The following PCDHGA12 variants were observed in gnomAD, a reference collection of about 807,000 sequenced individuals.
PCDHGA12 encodes protocadherin gamma subfamily A, 12.
Under a neutral mutation model 61.1 loss-of-function variants are expected in PCDHGA12, and 43 were observed. The ratio of observed to expected loss-of-function variants is 0.70; its 90% CI spans 0.55 to 0.91. The LOEUF (loss-of-function observed/expected upper bound fraction) is 0.91, where lower values mean the gene tolerates loss of function less well. PCDHGA12 is among the 40% of genes least tolerant of loss of function. The probability of loss-of-function intolerance (pLI) is 0.00; values close to 1 mark genes in which losing one functional copy is unlikely to be tolerated. For synonymous variants in PCDHGA12, 520 were observed against 542.9 expected, an observed-to-expected ratio of 0.96 and a Z score of 0.59; for missense variants, 1,236 against 1,227.7, an observed-to-expected ratio of 1.01 and a Z score of -0.10.
In PCDHGA12 at chr5:141,482,843, G is replaced by T. The variant is rs1005014887; in HGVS notation, c.2425-11964G>T. On this transcript the variant is annotated intron_variant, in intron 1 of 3. Transcript: ENST00000252085. ...TCCTAGCACTTTGGGAGGCCAAGGT[G>T]GGCAGATCACTTGAGGTCAGGAGTT... Among the ~76,000 whole-genome samples the T allele has an allele frequency of 4.3e-5, 6 of 140,152 alleles. No homozygotes were observed. The South Asian group carries it at 8.6e-4, about 20-fold the overall frequency. 91.9% of individuals were successfully genotyped at this position (140,152 alleles called of 152,430 possible).
Position 141,490,845 on chromosome 5 carries a change from G to T in PCDHGA12, c.2425-3962G>T, listed in dbSNP as rs748605746. The T allele has an allele frequency of 1.4e-5, 22 of 1,613,726 alleles. No individual in the cohort carries two copies. The highest frequency in any genetic ancestry group is 1.7e-5 in the Non-Finnish European group (20 of 1,179,894). On this transcript the variant is annotated intron_variant, in intron 1 of 3. Coordinates refer to ENST00000252085, the MANE Select transcript of PCDHGA12 (RefSeq NM_003735.3). This position sits in a 1 kb window ranked among gnomAD's most constrained non-coding sequence, Gnocchi z 5.4. ...TGCAGATGCTGCAGATTGTGGTGGG[G>T]GTTCGAGACTCCGGCTCTCCCCCAT...
At chr5:141,501,290 TACAC>T (rs55762287) in intron 2 of PCDHGA12, among the ~76,000 whole-genome samples, 45,565 of 135,778 alleles carry the variant, frequency 0.34, 7,845 homozygotes, top group Non-Finnish European at 0.42. Flanking sequence ...TATTCCCTTA[TACAC>T]ACACACACAC....
chr5:141,477,427 C>T lies in PCDHGA12; in HGVS notation c.2425-17380C>T. On this transcript the variant is annotated intron_variant, in intron 1 of 3. Coordinates refer to ENST00000252085, the MANE Select transcript of PCDHGA12 (RefSeq NM_003735.3). The surrounding 1 kb of genome is among the most constrained non-coding windows in gnomAD (Gnocchi z 4.9). ...CCCGAGACGCCGGAACCCCTTCCCT[C>T]TCAGCCCTTACAATAGTGCGTGTTC... The T allele has an allele frequency of 6.2e-7, 1 of 1,614,220 alleles. No homozygotes were observed. The highest frequency in any genetic ancestry group is 8.5e-7 in the Non-Finnish European group (1 of 1,180,046).
At chr5:141,502,815 TTTCC>T in intron 2 of PCDHGA12, among the ~76,000 whole-genome samples, 1 of 151,372 alleles carries the variant, frequency 6.6e-6, no homozygotes, top group East Asian at 1.9e-4. Context: ...TTCACTGTCT[TTTCC>T]TTGGGGAAGC....
chr5:141,444,001 C>G (rs2098413288), intron 1 of PCDHGA12, among the ~76,000 whole-genome samples: 1 of 151,914 alleles, frequency 6.6e-6, no homozygotes, highest in Non-Finnish European at 1.5e-5. Flanking sequence ...TTAAATGCTA[C>G]CTGGGTATTG....
intron 1 of PCDHGA12, among the ~76,000 whole-genome samples, chr5:141,446,448 T>C (rs954515926): frequency 2.6e-5 from 4 of 152,028 alleles, no homozygotes; most frequent in Non-Finnish European, 5.9e-5. Context: ...ACAGTGCAGA[T>C]ATTCAGTGTG....
chr5:141,477,229 C>T lies in PCDHGA12; in HGVS notation c.2425-17578C>T. ...AGGATGCCCCTCTGGGGACTGTCAT[C>T]GCTTTGCTCAGTGTGACTGACCTGG... On this transcript the variant is annotated intron_variant, in intron 1 of 3. Transcript: ENST00000252085. The surrounding 1 kb of genome is among the most constrained non-coding windows in gnomAD (Gnocchi z 4.9). 6.2e-7 allele frequency: 1 copy of T among 1,614,222 alleles called. No homozygotes were observed. Among genetic ancestry groups the T allele is most frequent in the Non-Finnish European group, 8.5e-7 (1 of 1,180,052 alleles).
At position 141,511,349 on chromosome 5, in the gene PCDHGA12, C is replaced by CG; in HGVS notation, c.*176_*177insG. On this transcript the variant is annotated 3_prime_UTR_variant, in exon 4 of 4. Coordinates refer to ENST00000252085, the MANE Select transcript of PCDHGA12 (RefSeq NM_003735.3). The stretch of plus-strand genomic sequence containing the variant: ...GCCCAGTCAGCACCTACCCCTTCCC[C>CG]CCCAGGGGGTTGAATATGCAAAAGC... 7.1e-7 allele frequency: 1 copy of CG among 1,401,498 alleles called. No homozygotes were observed. Among genetic ancestry groups the CG allele is most frequent in the African/African-American group, 1.5e-5 (1 of 68,948 alleles). 86.8% of individuals were successfully genotyped at this position (1,401,498 alleles called of 1,614,324 possible).
chr5:141,503,377 A>G lies in PCDHGA12; in HGVS notation c.2484-2016A>G, dbSNP rs534841057. Among the ~76,000 whole-genome samples, 4 of 152,142 alleles carry G rather than the reference A, an allele frequency of 2.6e-5. No homozygotes were observed. In the East Asian group the frequency reaches 7.8e-4, roughly 30 times the overall value. The stretch of plus-strand genomic sequence containing the variant: ...TTTGGGAAGCGGAGGCAGGTGGATC[A>G]TGAGGTCAGGAGTTCGAAACCAACC... On this transcript the variant is annotated intron_variant, in intron 2 of 3. Coordinates refer to ENST00000252085, the MANE Select transcript of PCDHGA12 (RefSeq NM_003735.3).
chr5:141,460,909 G>GGTGT (rs548378036), intron 1 of PCDHGA12, among the ~76,000 whole-genome samples: 1 of 123,246 alleles, frequency 8.1e-6, no homozygotes, highest in African/African-American at 3.7e-5. Flanking sequence ...AATATTCCAT[G>GGTGT]GTGTATATAT....
intron 1 of PCDHGA12, chr5:141,440,405 CCACTG>C (rs2098176019): frequency 6.6e-6 from 1 of 152,126 alleles, no homozygotes; most frequent in South Asian, 2.1e-4. Flanking sequence ...GGCAATCGCA[CCACTG>C]CACTCCAGCC....
At chr5:141,437,497 T>A (rs2097889891) in intron 1 of PCDHGA12, among the ~76,000 whole-genome samples, 1 of 152,190 alleles carries the variant, frequency 6.6e-6, no homozygotes, top group Non-Finnish European at 1.5e-5. Flanking sequence ...TAGATCACTT[T>A]TCAATGAATT....
chr5:141,476,306 C>T lies in PCDHGA12; in HGVS notation c.2425-18501C>T, dbSNP rs1011265476. The T allele has an allele frequency of 1.2e-6, 2 of 1,613,464 alleles. No homozygotes were observed. Among genetic ancestry groups the T allele is most frequent in the African/African-American group, 2.7e-5 (2 of 74,688 alleles). On this transcript the variant is annotated intron_variant, in intron 1 of 3. Transcript: ENST00000252085. The surrounding 1 kb of genome is among the most constrained non-coding windows in gnomAD (Gnocchi z 7.6). ...TTTGGATCTCGGTAGCCTCTCAGCCCGCAGGTTCCGGGTGGTGTCTGGAGC... is the reference window on the plus strand; with the variant it reads ...TTTGGATCTCGGTAGCCTCTCAGCCTGCAGGTTCCGGGTGGTGTCTGGAGC...
chr5:141,431,904 T>A lies in PCDHGA12; in HGVS notation c.1145T>A (p.Val382Glu). The change falls in exon 1 of 4, where the codon GTG becomes GAG. Residue 382 changes from valine (V) to glutamate (E), a missense_variant. Transcript: ENST00000252085. The surrounding 1 kb of genome is among the most constrained non-coding windows in gnomAD (Gnocchi z 4.8). ...NDQDSEENGQ[V>E]ICFIQGNLPF... ...CAAGATTCTGAGGAAAACGGACAGG[T>A]GATCTGTTTCATCCAAGGAAATCTG... is the stretch of plus-strand genomic sequence containing the variant. 1 of 1,613,846 alleles carries A rather than the reference T, an allele frequency of 6.2e-7. No individual in the cohort carries two copies. Among genetic ancestry groups the A allele is most frequent in the Non-Finnish European group, 8.5e-7 (1 of 1,179,708 alleles).
At chr5:141,456,341 C>G (rs950158154) in intron 1 of PCDHGA12, among the ~76,000 whole-genome samples, 4 of 152,034 alleles carry the variant, frequency 2.6e-5, no homozygotes, top group Admixed American at 1.3e-4. Context: ...TAAGGGTCCT[C>G]GGAAGAATGG....
chr5:141,474,180 A>G (rs763042503), intron 1 of PCDHGA12, among the ~76,000 whole-genome samples: 4 of 152,240 alleles, frequency 2.6e-5, no homozygotes, highest in Non-Finnish European at 4.4e-5. Context: ...TGAGAAAACT[A>G]CTTACATTTT....
In PCDHGA12 at chr5:141,489,291, C is replaced by A; in HGVS notation, c.2425-5516C>A. ...TCGCTGGGAAATGGCAAGTGCTGTG[C>A]ATGTTGTCCTTGTGCTGCTGGGGCT... is the stretch of plus-strand genomic sequence containing the variant. On this transcript the variant is annotated intron_variant, in intron 1 of 3. Transcript: ENST00000252085. This position sits in a 1 kb window ranked among gnomAD's most constrained non-coding sequence, Gnocchi z 4.5. 6.3e-7 allele frequency: 1 copy of A among 1,577,628 alleles called. No homozygotes were observed. The highest frequency in any genetic ancestry group is 8.6e-7 in the Non-Finnish European group (1 of 1,161,994).
chr5:141,458,624 C>G (rs1382508302), intron 1 of PCDHGA12, among the ~76,000 whole-genome samples: 1 of 152,082 alleles, frequency 6.6e-6, no homozygotes, highest in East Asian at 1.9e-4. Context: ...GGCTGGAGTG[C>G]AGTGGCACAA....
chr5:141,461,040 G>A (rs536064886), intron 1 of PCDHGA12, among the ~76,000 whole-genome samples: 123 of 150,514 alleles, frequency 8.2e-4, no homozygotes, highest in East Asian at 2.5e-3. Flanking sequence ...CTCATTAGTC[G>A]ATGGGGACTT....
Sources: allele counts gnomAD v4.1 joint callset (sites outside exome capture counted in the v4.1 genomes callset), GRCh38; gene constraint gnomAD v4.1.1; non-coding constraint Gnocchi (gnomAD v3.1); transcripts MANE v1.5; gene names NCBI Gene and HGNC (gene_info 2026-07-23, HGNC 2026-07-21).